The following ZDHHC17 variants were observed in gnomAD, a reference collection of about 807,000 sequenced individuals.
ZDHHC17 encodes palmitoyltransferase ZDHHC17.
A neutral mutation model predicts 90.3 loss-of-function variants in ZDHHC17; 40 were observed. That is an observed-to-expected ratio of 0.44 (90% confidence interval 0.34 to 0.58). The LOEUF (loss-of-function observed/expected upper bound fraction) is 0.58, where lower values mean the gene tolerates loss of function less well. ZDHHC17 is among the 20% of genes least tolerant of loss of function. The probability of loss-of-function intolerance (pLI) is 0.01; values close to 1 mark genes in which losing one functional copy is unlikely to be tolerated. For missense variants in ZDHHC17, 614 were observed against 780.8 expected, an observed-to-expected ratio of 0.79 and a Z score of 2.55; for synonymous variants, 235 against 252.4, an observed-to-expected ratio of 0.93 and a Z score of 0.65.
chr12:76,826,847 G>A, intron 8 of ZDHHC17, 61 bp from the exon 9 acceptor site: 1 of 1,454,510 alleles, frequency 6.9e-7, no homozygotes, highest in Non-Finnish European at 9.0e-7. Context: ...AGGTAACAAT[G>A]ATTCAGATTG....
chr12:76,787,092 C>T (rs1398120077), intron 1 of ZDHHC17, among the ~76,000 whole-genome samples: 1 of 152,196 alleles, frequency 6.6e-6, no homozygotes, highest in African/African-American at 2.4e-5. Context: ...CTTGAAGGTA[C>T]TTCTTCCTTG....
rs1422571906 is a variant in ZDHHC17 at position 76,832,786 on chromosome 12, G to A, written c.1141+4296G>A. On this transcript the variant is annotated intron_variant, in intron 10 of 16. Coordinates refer to ENST00000426126, the MANE Select transcript of ZDHHC17 (RefSeq NM_015336.4). ...AAAATCTACACAAAAGCACAACAGC[G>A]TGGCCCTAAATAGACCATGTAAAGG... 2.0e-5 allele frequency among the ~76,000 whole-genome samples: 3 copies of A among 152,304 alleles called. No homozygotes were observed. The South Asian group carries it at 6.2e-4, about 32-fold the overall frequency.
At position 76,853,553 on chromosome 12, in the gene ZDHHC17, A is replaced by T. The variant is rs577477655; in HGVS notation, c.*2568A>T. On this transcript the variant is annotated 3_prime_UTR_variant, in exon 17 of 17. Coordinates refer to ENST00000426126, the MANE Select transcript of ZDHHC17 (RefSeq NM_015336.4). ...TTATTTTATATTTTCTTTATTTATAACTGTGCCAAGTATTATTTTGCTACT... is the reference window on the plus strand; with the variant it reads ...TTATTTTATATTTTCTTTATTTATATCTGTGCCAAGTATTATTTTGCTACT... 1.1e-4 allele frequency: 17 copies of T among 152,580 alleles called. No individual in the cohort carries two copies. The highest frequency in any genetic ancestry group is 4.1e-4 in the African/African-American group (17 of 41,552). The allele number at this position is 152,580 out of a possible 1,614,324, so 9.5% of individuals were successfully genotyped here. A position where few individuals can be genotyped will look rare whatever the true frequency, so the allele number is the denominator to read the frequency against.
intron 5 of ZDHHC17, among the ~76,000 whole-genome samples, chr12:76,813,088 A>G (rs941351762): frequency 6.6e-6 from 1 of 152,016 alleles, no homozygotes; most frequent in African/African-American, 2.4e-5. Context: ...TTTTTTATTT[A>G]TTGATATTTT....
chr12:76,808,391 G>T (rs1952979206), intron 3 of ZDHHC17, among the ~76,000 whole-genome samples: 1 of 152,108 alleles, frequency 6.6e-6, no homozygotes, highest in Non-Finnish European at 1.5e-5. Flanking sequence ...AGCACTTTGG[G>T]AGTCCAAAGT....
At chr12:76,822,634 A>G in intron 8 of ZDHHC17, 103 bp downstream of exon 8, 2 of 859,266 alleles carry the variant, frequency 2.3e-6, no homozygotes, top group Non-Finnish European at 3.7e-6. Flanking sequence ...GGCTCACTGC[A>G]ATCCCTGCCT....
intron 2 of ZDHHC17, among the ~76,000 whole-genome samples, chr12:76,801,300 C>G (rs1305678484): frequency 6.6e-6 from 1 of 150,986 alleles, no homozygotes; most frequent in Non-Finnish European, 1.5e-5. Flanking sequence ...GTTTCTCATT[C>G]CTTTCGTGTA....
chr12:76,770,101 G>T (rs934750687), intron 1 of ZDHHC17, among the ~76,000 whole-genome samples: 2 of 152,086 alleles, frequency 1.3e-5, no homozygotes, highest in African/African-American at 4.8e-5. Context: ...ACTAAAATGG[G>T]GGTATAATAA....
intron 1 of ZDHHC17, among the ~76,000 whole-genome samples, chr12:76,765,322 T>C (rs1412362029): frequency 6.6e-6 from 1 of 152,220 alleles, no homozygotes; most frequent in Non-Finnish European, 1.5e-5. Flanking sequence ...TAGTTTTTGT[T>C]AAAAAGTGAA....
At chr12:76,794,244 AAT>A (rs756530931) in intron 1 of ZDHHC17, among the ~76,000 whole-genome samples, 38 of 152,288 alleles carry the variant, frequency 2.5e-4, no homozygotes, top group Non-Finnish European at 1.9e-4. Flanking sequence ...AAATATATTT[AAT>A]ATATAATAGC....
At chr12:76,834,488 C>T (rs1174039106) in intron 10 of ZDHHC17, among the ~76,000 whole-genome samples, 1 of 152,090 alleles carries the variant, frequency 6.6e-6, no homozygotes, top group Non-Finnish European at 1.5e-5. Flanking sequence ...CCCATGCATT[C>T]CCTCTTAAGC....
chr12:76,796,281 G>A (rs1036173103), intron 1 of ZDHHC17, among the ~76,000 whole-genome samples: 1 of 151,980 alleles, frequency 6.6e-6, no homozygotes, highest in African/African-American at 2.4e-5. Flanking sequence ...TTACACATAT[G>A]TTTGTCAAAA....
intron 5 of ZDHHC17, among the ~76,000 whole-genome samples, chr12:76,811,176 G>A (rs1189890588): frequency 6.6e-6 from 1 of 152,118 alleles, no homozygotes; most frequent in African/African-American, 2.4e-5. Flanking sequence ...CACCCGGAGG[G>A]AAGGGACCAC....
At chr12:76,773,899 T>C (rs1191676877) in intron 1 of ZDHHC17, among the ~76,000 whole-genome samples, 1 of 152,212 alleles carries the variant, frequency 6.6e-6, no homozygotes, top group Admixed American at 6.5e-5. Flanking sequence ...AGTCCTTCTC[T>C]TTGAAATTTT....
intron 1 of ZDHHC17, among the ~76,000 whole-genome samples, chr12:76,794,052 A>C (rs1183996351): frequency 6.6e-6 from 1 of 151,766 alleles, no homozygotes; most frequent in Admixed American, 6.6e-5. Flanking sequence ...TGCTGGGCTA[A>C]ATTTTGTATT....
At chr12:76,820,124 CTT>C (rs1399820987) in intron 7 of ZDHHC17, among the ~76,000 whole-genome samples, 1 of 151,696 alleles carries the variant, frequency 6.6e-6, no homozygotes, top group African/African-American at 2.4e-5. Context: ...CCCCAGTAGA[CTT>C]TGGTTGGAGG....
chr12:76,789,840 A>G (rs528907656), intron 1 of ZDHHC17, among the ~76,000 whole-genome samples: 2 of 152,214 alleles, frequency 1.3e-5, no homozygotes, highest in Non-Finnish European at 2.9e-5. Context: ...AGTTATTCTC[A>G]AAACTGTCAA....
intron 1 of ZDHHC17, among the ~76,000 whole-genome samples, chr12:76,783,839 G>C (rs564753638): frequency 1.3e-5 from 2 of 152,236 alleles, no homozygotes; most frequent in African/African-American, 4.8e-5. Context: ...GGTGGAGGGA[G>C]ATTTGAACAT....
At chr12:76,779,412 A>G (rs1458765543) in intron 1 of ZDHHC17, among the ~76,000 whole-genome samples, 1 of 152,142 alleles carries the variant, frequency 6.6e-6, no homozygotes, top group East Asian at 1.9e-4. Flanking sequence ...AGGAGGAGCA[A>G]AGTCACGTCT....
Sources: allele counts gnomAD v4.1 joint callset (sites outside exome capture counted in the v4.1 genomes callset), GRCh38; gene constraint gnomAD v4.1.1; transcripts MANE v1.5; gene names NCBI Gene and HGNC (gene_info 2026-07-23, HGNC 2026-07-21).